PRKCD: variants seen among roughly 807,000 people sequenced by gnomAD.
PRKCD encodes protein kinase C delta type.
In PRKCD, 20 loss-of-function variants were observed where a neutral mutation model predicts 82.2. The observed-to-expected ratio is 0.24, with a 90% CI of 0.17 to 0.35. The LOEUF is 0.35. Ranked by LOEUF, PRKCD falls within the 10% of genes least tolerant of loss-of-function variation. The pLI is 1.00. For missense variants in PRKCD, 607 were observed against 899.0 expected (o/e 0.68, Z 4.15); for synonymous variants, 317 against 337.0 (o/e 0.94, Z 0.65).
intron 10 of PRKCD, 64 bp downstream of exon 10, chr3:53,185,038 A>G (rs1703621736): frequency 6.9e-7 from 1 of 1,439,880 alleles, no homozygotes; most frequent in African/African-American, 1.4e-5. Flanking sequence ...CAAGGCTTAC[A>G]GCCACTGCTG....
At chr3:53,182,394 G>A (rs972683297) in intron 7 of PRKCD, among the ~76,000 whole-genome samples, 3 of 151,916 alleles carry the variant, frequency 2.0e-5, no homozygotes, top group South Asian at 2.1e-4. Flanking sequence ...TTAGCCTCCT[G>A]AGTAGCTGGG....
chr3:53,181,072 C>A, intron 4 of PRKCD, 135 bp from the exon 5 acceptor site: 2 of 899,828 alleles, frequency 2.2e-6, no homozygotes, highest in African/African-American at 1.7e-5. Flanking sequence ...CCACACTGGG[C>A]AGACAAGTGT....
chr3:53,189,287 TGGGGCA>T (rs2107286792), intron 17 of PRKCD, 41 bp downstream of exon 17: 327 of 1,532,146 alleles, frequency 2.1e-4, no homozygotes, highest in Non-Finnish European at 2.7e-4. Flanking sequence ...TGGGCTGGGC[TGGGGCA>T]GGGGCTGGCA....
chr3:53,171,405 G>T (rs1288291039), intron 2 of PRKCD, among the ~76,000 whole-genome samples: 2 of 152,190 alleles, frequency 1.3e-5, no homozygotes, highest in Admixed American at 6.5e-5. Context: ...AGACCCTCTG[G>T]CAGGGCAGGC....
At chr3:53,175,000 C>T (rs552252387) in intron 2 of PRKCD, among the ~76,000 whole-genome samples, 95 of 152,348 alleles carry the variant, frequency 6.2e-4, no homozygotes, top group African/African-American at 2.2e-3. Context: ...CCTGGGGCTT[C>T]TCTGACCCAC....
chr3:53,186,891 G>A (rs1703717814), intron 14 of PRKCD, among the ~76,000 whole-genome samples, 196 bp downstream of exon 14: 1 of 152,214 alleles, frequency 6.6e-6, no homozygotes, highest in African/African-American at 2.4e-5. Flanking sequence ...AGTGAACTGC[G>A]GCTGGGTGCG....
At chr3:53,185,880 T>C (rs1349992455) in intron 11 of PRKCD, 47 bp from the exon 12 acceptor site, 1 of 1,600,864 alleles carries the variant, frequency 6.2e-7, no homozygotes, top group East Asian at 2.2e-5. Flanking sequence ...GGAGGGGAGT[T>C]GTGTAGACTG....
intron 7 of PRKCD, 119 bp downstream of exon 7, chr3:53,181,851 C>T: frequency 6.8e-7 from 1 of 1,469,086 alleles, no homozygotes; most frequent in East Asian, 2.4e-5. Flanking sequence ...TGAGTTTTCC[C>T]AGTGTAGATA....
At chr3:53,179,288 C>T (rs1553666623) in intron 3 of PRKCD, among the ~76,000 whole-genome samples, 1 of 152,222 alleles carries the variant, frequency 6.6e-6, no homozygotes, top group African/African-American at 2.4e-5. Flanking sequence ...GGCTGGCATG[C>T]AGGAGCTGTC....
At chr3:53,188,149 C>A (rs1253857512) in intron 15 of PRKCD, among the ~76,000 whole-genome samples, 1 of 134,100 alleles carries the variant, frequency 7.5e-6, no homozygotes, top group African/African-American at 2.8e-5. Context: ...GATCATGCCA[C>A]TGCACTCCAG....
At chr3:53,164,452 G>A (rs973044403) in intron 1 of PRKCD, among the ~76,000 whole-genome samples, 11 of 152,172 alleles carry the variant, frequency 7.2e-5, no homozygotes, top group East Asian at 3.9e-4. Context: ...GTGTGGTGGC[G>A]CGCACCTGTA....
intron 7 of PRKCD, 132 bp downstream of exon 7, chr3:53,181,864 G>A (rs1553667658): frequency 7.5e-7 from 1 of 1,331,336 alleles, no homozygotes; most frequent in Non-Finnish European, 1.1e-6. Context: ...TGTAGATACA[G>A]CAGCTGAGTT....
rs2107256474 is a variant in PRKCD, at chr3:53,179,557, T to C, written c.116-20T>C. The C allele has an allele frequency of 6.2e-7, 1 of 1,614,090 alleles. No individual in the cohort carries two copies. The highest frequency in any genetic ancestry group is 1.7e-4 in the Middle Eastern group (1 of 6,060). On this transcript the variant is annotated intron_variant, in intron 3 of 18. Transcript: ENST00000330452. ...ACAGAGGGGCCATGGCCCAACCTTC[T>C]CTGCCTGGCCTTGTTGCAGAGCGTG...
chr3:53,177,809 G>A (rs922578532), intron 2 of PRKCD, among the ~76,000 whole-genome samples: 1 of 152,146 alleles, frequency 6.6e-6, no homozygotes, highest in Non-Finnish European at 1.5e-5. Context: ...CTGGCCTGGG[G>A]TAGATTGATG....
chr3:53,190,665 G>C (rs1457556103), intron 18 of PRKCD, among the ~76,000 whole-genome samples: 4 of 152,224 alleles, frequency 2.6e-5, no homozygotes, highest in Non-Finnish European at 5.9e-5. Context: ...GGGCCACTAA[G>C]AAATTTGGGG....
chr3:53,169,622 G>A lies in PRKCD; in HGVS notation c.-20+4407G>A, dbSNP rs1431054473. 2.6e-5 allele frequency among the ~76,000 whole-genome samples: 4 copies of A among 152,130 alleles called. No homozygotes were observed. The highest frequency in any genetic ancestry group is 9.7e-5 in the African/African-American group (4 of 41,430). ...GCTGGGGTTGTTGGGGTGGGAGGAG[G>A]ATCCCAGGGTCCTCCAGTGTCAGGG... is the stretch of plus-strand genomic sequence containing the variant. On this transcript the variant is annotated intron_variant, in intron 2 of 18. Coordinates refer to ENST00000330452, the MANE Select transcript of PRKCD (RefSeq NM_006254.4). This position sits in a 1 kb window ranked among gnomAD's most constrained non-coding sequence, Gnocchi z 4.7.
intron 2 of PRKCD, among the ~76,000 whole-genome samples, chr3:53,177,894 C>T (rs112830869): frequency 8.9e-4 from 136 of 152,056 alleles, no homozygotes; most frequent in Middle Eastern, 3.4e-3. Context: ...TTACCAGAGA[C>T]GCCGCAAATC....
At chr3:53,167,461 G>T (rs1477224864) in intron 2 of PRKCD, among the ~76,000 whole-genome samples, 2 of 152,212 alleles carry the variant, frequency 1.3e-5, no homozygotes, top group Admixed American at 6.5e-5. Context: ...AGAGGTGATG[G>T]CTGGGCTGCA....
At chr3:53,163,248 G>A (rs1702733881) in intron 1 of PRKCD, among the ~76,000 whole-genome samples, 1 of 152,044 alleles carries the variant, frequency 6.6e-6, no homozygotes, top group East Asian at 1.9e-4. Flanking sequence ...GAAACTGCCG[G>A]TGTATGCTTG....
Sources: allele counts gnomAD v4.1 joint callset (sites outside exome capture counted in the v4.1 genomes callset), GRCh38; gene constraint gnomAD v4.1.1; non-coding constraint Gnocchi (gnomAD v3.1); transcripts MANE v1.5; gene names NCBI Gene and HGNC (gene_info 2026-07-23, HGNC 2026-07-21).